Variants in ACER2 observed in about 807,000 individuals in gnomAD.
ACER2 encodes the protein alkaline ceramidase 2.
Under a neutral mutation model 34.7 loss-of-function variants are expected in ACER2, and 26 were observed. That is an observed-to-expected ratio of 0.75 (90% confidence interval 0.55 to 1.04). The LOEUF is 1.04. ACER2 is among the 50% of genes least tolerant of loss of function. ACER2 has a pLI of 0.00. For synonymous variants in ACER2, 138 were observed against 132.1 expected (o/e 1.04, Z -0.31); for missense variants, 352 against 340.8 (o/e 1.03, Z -0.26).
At chr9:19,434,394 C>G (rs1346612914) in intron 3 of ACER2, among the ~76,000 whole-genome samples, 1 of 152,250 alleles carries the variant, frequency 6.6e-6, no homozygotes, top group Non-Finnish European at 1.5e-5. Context: ...AGGCTGCAAT[C>G]TCGGCACTTT....
At chr9:19,412,797 T>C (rs569502904) in intron 1 of ACER2, among the ~76,000 whole-genome samples, 1 of 152,326 alleles carries the variant, frequency 6.6e-6, no homozygotes, top group South Asian at 2.1e-4. Flanking sequence ...TATCAGCTCA[T>C]ATAGTGCTCT....
intron 3 of ACER2, among the ~76,000 whole-genome samples, chr9:19,430,434 C>T (rs1589049853): frequency 6.6e-6 from 1 of 152,244 alleles, no homozygotes; most frequent in Non-Finnish European, 1.5e-5. Context: ...TTTAGAAAAA[C>T]ACCCTGTTGG....
At chr9:19,432,397 C>T (rs950739600) in intron 3 of ACER2, among the ~76,000 whole-genome samples, 10 of 151,886 alleles carry the variant, frequency 6.6e-5, no homozygotes, top group Non-Finnish European at 1.5e-4. Context: ...CTTTGTAGAA[C>T]GGGGGGTGAC....
In ACER2 at chr9:19,452,060, AATG is replaced by A. The variant is rs1353070076; in HGVS notation, c.*1426_*1428del. The A allele has an allele frequency of 2.6e-5, 4 of 152,660 alleles. No homozygotes were observed. The highest frequency in any genetic ancestry group is 4.4e-5 in the Non-Finnish European group (3 of 68,052). The allele number at this position is 152,660 out of a possible 1,614,324, so 9.5% of individuals were successfully genotyped here. ...TCTCACCTAATGTGACACTGGCTAC[AATG>A]AATCTTCTCTTCATCGGGCTGAATG... On this transcript the variant is annotated 3_prime_UTR_variant, in exon 6 of 6. Coordinates refer to ENST00000340967, the MANE Select transcript of ACER2 (RefSeq NM_001010887.3).
In ACER2 at chr9:19,452,247, A is replaced by G. The variant is rs1442737659; in HGVS notation, c.*1611A>G. Among the ~76,000 whole-genome samples the G allele has an allele frequency of 2.0e-5, 3 of 152,222 alleles. No individual in the cohort carries two copies. Among genetic ancestry groups the G allele is most frequent in the East Asian group, 1.9e-4 (1 of 5,200 alleles). On this transcript the variant is annotated 3_prime_UTR_variant, in exon 6 of 6. Coordinates refer to ENST00000340967, the MANE Select transcript of ACER2 (RefSeq NM_001010887.3). ...GGCAGGAGTCATGTCACTGTCCTACATATGTAAGAGTTGGGAAGGTGACGA... is the reference window on the plus strand; with the variant it reads ...GGCAGGAGTCATGTCACTGTCCTACGTATGTAAGAGTTGGGAAGGTGACGA...
At chr9:19,433,765 C>T (rs1381825327) in intron 3 of ACER2, among the ~76,000 whole-genome samples, 4 of 149,946 alleles carry the variant, frequency 2.7e-5, no homozygotes, top group East Asian at 2.1e-4. Flanking sequence ...CCGGATGGGG[C>T]GGCTGGCCGG....
At chr9:19,439,063 A>G (rs1831060380) in intron 4 of ACER2, among the ~76,000 whole-genome samples, 1 of 152,242 alleles carries the variant, frequency 6.6e-6, no homozygotes, top group African/African-American at 2.4e-5. Flanking sequence ...TGTGATCTTT[A>G]CATAAGGAAA....
chr9:19,410,262 G>C (rs1830048492), intron 1 of ACER2, among the ~76,000 whole-genome samples: 1 of 152,190 alleles, frequency 6.6e-6, no homozygotes, highest in Non-Finnish European at 1.5e-5. Flanking sequence ...GAGAAAACTG[G>C]GCTCTTGAGG....
chr9:19,433,794 C>G (rs1343017316), intron 3 of ACER2, among the ~76,000 whole-genome samples: 1 of 150,372 alleles, frequency 6.7e-6, no homozygotes, highest in Admixed American at 6.6e-5. Context: ...CTGACCCCCC[C>G]ACCTCCTTCC....
intron 3 of ACER2, among the ~76,000 whole-genome samples, chr9:19,429,040 G>A (rs957261229): frequency 6.6e-6 from 1 of 151,524 alleles, no homozygotes; most frequent in Non-Finnish European, 1.5e-5. Context: ...CGCTCGCCTC[G>A]GCCTCCCAAA....
At chr9:19,436,201 G>A (rs948011627) in intron 4 of ACER2, among the ~76,000 whole-genome samples, 12 of 151,942 alleles carry the variant, frequency 7.9e-5, no homozygotes, top group African/African-American at 2.4e-4. Flanking sequence ...GCAGGTGTGA[G>A]CCACTGCAGC....
At chr9:19,413,373 A>G (rs1306244482) in intron 1 of ACER2, among the ~76,000 whole-genome samples, 1 of 152,058 alleles carries the variant, frequency 6.6e-6, no homozygotes, top group Non-Finnish European at 1.5e-5. Context: ...CTGAAGTGGG[A>G]GGATCACTTG....
At chr9:19,443,337 A>G (rs1831222348) in intron 4 of ACER2, among the ~76,000 whole-genome samples, 1 of 151,174 alleles carries the variant, frequency 6.6e-6, no homozygotes, top group South Asian at 2.1e-4. Context: ...CGGCACATTT[A>G]TTGTGTTTTT....
At chr9:19,428,666 G>T (rs1830656391) in intron 3 of ACER2, among the ~76,000 whole-genome samples, 1 of 151,730 alleles carries the variant, frequency 6.6e-6, no homozygotes, top group Non-Finnish European at 1.5e-5. Flanking sequence ...CTTCCTGATG[G>T]GATCAGAAAT....
intron 1 of ACER2, among the ~76,000 whole-genome samples, chr9:19,422,138 T>G (rs1830424337): frequency 7.0e-6 from 1 of 143,364 alleles, no homozygotes; most frequent in Admixed American, 7.0e-5. Context: ...AAAAAAAAAA[T>G]TATAATAATA....
At chr9:19,416,029 T>C (rs911214356) in intron 1 of ACER2, among the ~76,000 whole-genome samples, 1 of 150,884 alleles carries the variant, frequency 6.6e-6, no homozygotes, top group Non-Finnish European at 1.5e-5. Context: ...TGGTTATCTC[T>C]GGGGAAGAGG....
At chr9:19,425,893 G>A (rs1020378781) in intron 3 of ACER2, among the ~76,000 whole-genome samples, 2 of 152,158 alleles carry the variant, frequency 1.3e-5, no homozygotes, top group African/African-American at 4.8e-5. Context: ...AGTTATACCA[G>A]GAAAAGAAAA....
intron 1 of ACER2, among the ~76,000 whole-genome samples, 192 bp downstream of exon 1, chr9:19,409,384 T>C (rs1830017261): frequency 6.6e-6 from 1 of 152,156 alleles, no homozygotes. Context: ...CCTGTCCCCA[T>C]TCCCGACAGC....
intron 4 of ACER2, among the ~76,000 whole-genome samples, chr9:19,437,354 A>T (rs181940725): frequency 2.6e-5 from 4 of 152,258 alleles, no homozygotes; most frequent in African/African-American, 9.6e-5. Flanking sequence ...TACACTTGAA[A>T]TCCTACAATC....
Sources: allele counts gnomAD v4.1 joint callset (sites outside exome capture counted in the v4.1 genomes callset), GRCh38; gene constraint gnomAD v4.1.1; transcripts MANE v1.5; gene names NCBI Gene and HGNC (gene_info 2026-07-23, HGNC 2026-07-21).